The following DCLK1 variants were observed in gnomAD, a reference collection of about 807,000 sequenced individuals.
DCLK1 encodes the protein doublecortin like kinase 1.
In DCLK1, 16 loss-of-function variants were observed where a neutral mutation model predicts 86.2. The ratio of observed to expected loss-of-function variants is 0.19; its 90% confidence interval spans 0.13 to 0.28. The LOEUF (loss-of-function observed/expected upper bound fraction) is 0.28, where lower values mean the gene tolerates loss of function less well. Among genes scored for constraint, DCLK1 ranks in the 10% least tolerant of loss-of-function variants. The pLI, the probability that DCLK1 is intolerant of heterozygous loss-of-function variation, is 1.00. For synonymous variants in DCLK1, 369 were observed against 370.5 expected, an observed-to-expected ratio of 1.00 and a Z score of 0.05; for missense variants, 590 against 940.2, an observed-to-expected ratio of 0.63 and a Z score of 4.87.
chr13:35,982,120 T>C (rs1235567222), intron 3 of DCLK1, among the ~76,000 whole-genome samples: 1 of 152,112 alleles, frequency 6.6e-6, no homozygotes, highest in Non-Finnish European at 1.5e-5. Context: ...GCATTGTTCA[T>C]TTAAGATTTC....
At chr13:35,892,282 A>C (rs2153119684) in intron 4 of DCLK1, among the ~76,000 whole-genome samples, 1 of 152,332 alleles carries the variant, frequency 6.6e-6, no homozygotes, top group East Asian at 1.9e-4. Context: ...AAAGAATAAA[A>C]GTATAGGCAT....
intron 6 of DCLK1, among the ~76,000 whole-genome samples, chr13:35,842,298 T>C (rs1869867664): frequency 6.6e-6 from 1 of 151,016 alleles, no homozygotes. Context: ...TCCCTCCATG[T>C]TTGCCATTTA....
chr13:36,013,573 C>T (rs1237191589), intron 3 of DCLK1, among the ~76,000 whole-genome samples: 1 of 152,174 alleles, frequency 6.6e-6, no homozygotes, highest in Non-Finnish European at 1.5e-5. Context: ...CTTGAGGAAG[C>T]AGTCTGCCCG....
chr13:35,822,210 G>A (rs1450196827), intron 11 of DCLK1, among the ~76,000 whole-genome samples: 1 of 151,808 alleles, frequency 6.6e-6, no homozygotes, highest in African/African-American at 2.4e-5. Context: ...GAGTGCAGTA[G>A]TGTGATCACA....
In DCLK1 at chr13:35,932,310, TA is replaced by T. The variant is rs543793819; in HGVS notation, c.823+15047del. Among the ~76,000 whole-genome samples, 9 of 152,318 alleles carry T rather than the reference TA, an allele frequency of 5.9e-5. No individual in the cohort carries two copies. In the South Asian group the frequency reaches 1.7e-3, roughly 28 times the overall value. ...AGGTCCTTATTCTCAGACTGAACTG[TA>T]ACACTGGCTTTCCTGGGTCACCAGC... On this transcript the variant is annotated intron_variant, in intron 4 of 16. Coordinates refer to ENST00000360631, the MANE Select transcript of DCLK1 (RefSeq NM_001330071.2).
At chr13:35,959,436 C>T (rs1030289252) in intron 3 of DCLK1, among the ~76,000 whole-genome samples, 4 of 152,112 alleles carry the variant, frequency 2.6e-5, no homozygotes, top group African/African-American at 9.7e-5. Context: ...ACTGCACTGA[C>T]CTGGAACACC....
intron 7 of DCLK1, among the ~76,000 whole-genome samples, chr13:35,838,448 G>C (rs559592443): frequency 6.6e-6 from 1 of 152,254 alleles, no homozygotes; most frequent in South Asian, 2.1e-4. Flanking sequence ...CTTCAGGAAG[G>C]AAATAGGTGT....
At chr13:35,976,931 A>G (rs1017420795) in intron 3 of DCLK1, among the ~76,000 whole-genome samples, 5 of 152,186 alleles carry the variant, frequency 3.3e-5, no homozygotes, top group African/African-American at 1.2e-4. Context: ...AACAATCATC[A>G]GCACAGTGTC....
At chr13:36,082,207 T>C (rs1180619310) in intron 3 of DCLK1, among the ~76,000 whole-genome samples, 2 of 152,124 alleles carry the variant, frequency 1.3e-5, no homozygotes, top group Admixed American at 6.5e-5. Flanking sequence ...CAACACCTCC[T>C]CTTCCTCCTC....
chr13:36,123,950 A>G (rs541490189), intron 2 of DCLK1, among the ~76,000 whole-genome samples: 1 of 152,280 alleles, frequency 6.6e-6, no homozygotes, highest in Non-Finnish European at 1.5e-5. Flanking sequence ...TCCTTGGTGG[A>G]TGGGAGTCAT....
chr13:36,087,532 C>T (rs1188140337), intron 3 of DCLK1, among the ~76,000 whole-genome samples: 1 of 152,090 alleles, frequency 6.6e-6, no homozygotes, highest in African/African-American at 2.4e-5. Flanking sequence ...TTGTGGAGCA[C>T]AGAAACATGA....
In DCLK1 at chr13:35,972,935, CATT is replaced by C. The variant is rs201559512; in HGVS notation, c.724-25481_724-25479del. On this transcript the variant is annotated intron_variant, in intron 3 of 16. Coordinates refer to ENST00000360631, the MANE Select transcript of DCLK1 (RefSeq NM_001330071.2). ...TCCCAGTCCTCATGCTGTACAAATG[CATT>C]ATTATTATTCCCACATCCCCATGCC... is the stretch of plus-strand genomic sequence containing the variant. 5.9e-3 allele frequency among the ~76,000 whole-genome samples: 896 copies of C among 152,196 alleles called. 15 individuals carry two copies. The highest frequency in any genetic ancestry group is 0.021 in the African/African-American group (857 of 41,498).
chr13:35,925,827 C>T (rs947667165), intron 4 of DCLK1, among the ~76,000 whole-genome samples: 5 of 152,162 alleles, frequency 3.3e-5, no homozygotes, highest in Non-Finnish European at 1.5e-5. Context: ...TCTTCATTCA[C>T]TCTGCAGAGA....
At chr13:36,002,072 G>A (rs1880746221) in intron 3 of DCLK1, among the ~76,000 whole-genome samples, 1 of 152,132 alleles carries the variant, frequency 6.6e-6, no homozygotes, top group Admixed American at 6.5e-5. Context: ...CACAAGGCCA[G>A]GTAAAACATA....
At chr13:35,852,988 A>C (rs1408563436) in intron 6 of DCLK1, among the ~76,000 whole-genome samples, 4 of 152,230 alleles carry the variant, frequency 2.6e-5, no homozygotes, top group African/African-American at 9.6e-5. Flanking sequence ...GAATGTTCTC[A>C]GAAAGAGGGC....
intron 1 of DCLK1, among the ~76,000 whole-genome samples, chr13:36,127,689 C>A (rs1230944459): frequency 6.6e-6 from 1 of 152,196 alleles, no homozygotes; most frequent in African/African-American, 2.4e-5. Flanking sequence ...GGAATAGAAT[C>A]TTTCCTTTCT....
intron 11 of DCLK1, among the ~76,000 whole-genome samples, chr13:35,817,744 CTCTT>C (rs2087303688): frequency 6.6e-6 from 1 of 152,142 alleles, no homozygotes; most frequent in South Asian, 2.1e-4. Flanking sequence ...ACTCTCCTGA[CTCTT>C]TCAGGGAAAG....
intron 2 of DCLK1, among the ~76,000 whole-genome samples, chr13:36,121,563 T>A (rs1885993661): frequency 6.7e-6 from 1 of 148,548 alleles, no homozygotes; most frequent in Admixed American, 6.7e-5. Context: ...TCCATTGTAT[T>A]TGTTATTGTT....
intron 2 of DCLK1, among the ~76,000 whole-genome samples, chr13:36,120,050 AG>A (rs1191772863): frequency 6.6e-6 from 1 of 152,190 alleles, no homozygotes; most frequent in Non-Finnish European, 1.5e-5. Flanking sequence ...GGGGAAGAAA[AG>A]GTTAAACTGA....
Sources: gnomAD v4.1 joint callset for allele counts (sites outside exome capture counted in the v4.1 genomes callset) on GRCh38, gnomAD v4.1.1 for gene constraint, MANE v1.5 for transcripts, NCBI Gene and HGNC (gene_info 2026-07-23, HGNC 2026-07-21) for gene names.